KCNH7: variants seen among roughly 807,000 people sequenced by gnomAD.
The protein encoded by KCNH7 is voltage-gated inwardly rectifying potassium channel KCNH7.
A neutral mutation model predicts 120.8 loss-of-function variants in KCNH7; 49 were observed. That is an observed-to-expected ratio of 0.41 (90% CI 0.32 to 0.51). The LOEUF (loss-of-function observed/expected upper bound fraction) is 0.51, where lower values mean the gene tolerates loss of function less well. Among genes scored for constraint, KCNH7 ranks in the 20% least tolerant of loss-of-function variants. The pLI is 0.38. For synonymous variants in KCNH7, 547 were observed against 516.1 expected (o/e 1.06, Z -0.81); for missense variants, 1,097 against 1,446.6 (o/e 0.76, Z 3.92).
chr2:162,683,001 C>T (rs767756882), intron 2 of KCNH7, among the ~76,000 whole-genome samples: 86 of 151,692 alleles, frequency 5.7e-4, no homozygotes, highest in African/African-American at 1.3e-3. Context: ...TTTCTTCTTC[C>T]GAAGGGTATG....
At chr2:162,547,334 A>G (rs1371869532) in intron 2 of KCNH7, among the ~76,000 whole-genome samples, 1 of 152,146 alleles carries the variant, frequency 6.6e-6, no homozygotes, top group Non-Finnish European at 1.5e-5. Flanking sequence ...TGTGATAGGT[A>G]GAAATTAGGA....
At chr2:162,415,696 T>A (rs114729385) in intron 9 of KCNH7, among the ~76,000 whole-genome samples, 3,514 of 152,244 alleles carry the variant, frequency 0.023, 145 homozygotes, top group African/African-American at 0.074. Context: ...ACAATTTTTT[T>A]AAAAAAATTT....
chr2:162,531,934 T>G (rs144630826), intron 3 of KCNH7, among the ~76,000 whole-genome samples: 1 of 152,078 alleles, frequency 6.6e-6, no homozygotes, highest in East Asian at 2.0e-4. Context: ...TACGCATATT[T>G]TTCTATCTGA....
At position 162,384,744 on chromosome 2, in the gene KCNH7, T is replaced by G. The variant is rs1686525127; in HGVS notation, c.2906A>C (p.Glu969Ala). 2 of 1,612,712 alleles carry G rather than the reference T, an allele frequency of 1.2e-6. No individual in the cohort carries two copies. Among genetic ancestry groups the G allele is most frequent in the South Asian group, 2.2e-5 (2 of 91,060 alleles). ...CATTCTTCCTGAGGTGGGCACTGTT[T>G]CTTCAAAATCGAGCCCAGATGCTTT... Reference protein sequence around the residue: ...IGKASGLDFEETVPTSGRMHI... With the variant: ...IGKASGLDFEATVPTSGRMHI... Residue 969 changes from glutamate to alanine, a missense_variant, in exon 13 of 16, where the codon GAA becomes GCA. Glu to Ala is a moderately radical substitution (Grantham distance 107). Coordinates refer to ENST00000332142, the MANE Select transcript of KCNH7 (RefSeq NM_033272.4).
chr2:162,637,349 C>T (rs1385099742), intron 2 of KCNH7, among the ~76,000 whole-genome samples: 4 of 152,048 alleles, frequency 2.6e-5, no homozygotes, highest in African/African-American at 9.7e-5. Context: ...CAGACTATCC[C>T]CTGGATCATC....
chr2:162,420,821 A>G (rs1044333084), intron 9 of KCNH7, among the ~76,000 whole-genome samples: 4 of 152,172 alleles, frequency 2.6e-5, no homozygotes, highest in South Asian at 2.1e-4. Flanking sequence ...CAAGTTTAAT[A>G]TGCTTTTATG....
At position 162,447,540 on chromosome 2, in the gene KCNH7, T is replaced by C. The variant is rs149770538; in HGVS notation, c.1129-1097A>G. ...TAATGCTATGAATATCCCACACATA[T>C]ACAATGGCTCTATTTCAAAGTTAAT... On this transcript the variant is annotated intron_variant, in intron 6 of 15. Coordinates refer to ENST00000332142, the MANE Select transcript of KCNH7 (RefSeq NM_033272.4). 5.9e-5 allele frequency among the ~76,000 whole-genome samples: 9 copies of C among 152,204 alleles called. No homozygotes were observed. The East Asian group carries it at 7.7e-4, about 13-fold the overall frequency.
chr2:162,487,055 G>C (rs574624996), intron 6 of KCNH7, among the ~76,000 whole-genome samples: 6 of 152,134 alleles, frequency 3.9e-5, no homozygotes, highest in Non-Finnish European at 7.4e-5. Context: ...TTCTTTCTTA[G>C]AGAACTTTTA....
chr2:162,832,889 T>C (rs548353760), intron 2 of KCNH7, among the ~76,000 whole-genome samples: 166 of 152,262 alleles, frequency 1.1e-3, no homozygotes, highest in Non-Finnish European at 2.1e-3. Flanking sequence ...TACTGATATC[T>C]GACTGGATTA....
At chr2:162,700,622 A>G (rs569240733) in intron 2 of KCNH7, among the ~76,000 whole-genome samples, 1 of 152,166 alleles carries the variant, frequency 6.6e-6, no homozygotes, top group Admixed American at 6.6e-5. Context: ...AAAATCCATT[A>G]CTTCATGACT....
At chr2:162,739,510 G>C (rs1396739450) in intron 2 of KCNH7, among the ~76,000 whole-genome samples, 1 of 152,130 alleles carries the variant, frequency 6.6e-6, no homozygotes, top group Non-Finnish European at 1.5e-5. Context: ...ATCCACACCA[G>C]TGGGAACCAT....
At chr2:162,754,371 G>A (rs1297404768) in intron 2 of KCNH7, among the ~76,000 whole-genome samples, 1 of 152,098 alleles carries the variant, frequency 6.6e-6, no homozygotes, top group Non-Finnish European at 1.5e-5. Context: ...TATAACAAGG[G>A]ATAGGGAGGG....
chr2:162,679,238 T>C (rs188649706), intron 2 of KCNH7, among the ~76,000 whole-genome samples: 4 of 151,710 alleles, frequency 2.6e-5, no homozygotes, highest in Non-Finnish European at 4.4e-5. Context: ...CTTGTATAGT[T>C]AGAGCAGAAA....
chr2:162,834,717 C>T (rs1020997782), intron 2 of KCNH7, among the ~76,000 whole-genome samples: 5 of 152,060 alleles, frequency 3.3e-5, no homozygotes, highest in African/African-American at 9.7e-5. Flanking sequence ...GTTTTGAGAT[C>T]ATTTTACACA....
At chr2:162,415,277 C>T (rs1290892390) in intron 9 of KCNH7, among the ~76,000 whole-genome samples, 1 of 152,050 alleles carries the variant, frequency 6.6e-6, no homozygotes, top group African/African-American at 2.4e-5. Flanking sequence ...TAAATAAACT[C>T]TCTATATAAA....
rs538516954 is a variant in KCNH7 at position 162,727,485 on chromosome 2, G to A, written c.307+109052C>T. Among the ~76,000 whole-genome samples, 9 of 151,918 alleles carry A rather than the reference G, an allele frequency of 5.9e-5. No homozygotes were observed. The South Asian group carries it at 6.2e-4, about 11-fold the overall frequency. ...TTACATCTTTTTGTAGTTGATCTTC[G>A]TCACCCCACTCTACCCATAGTCCCA... On this transcript the variant is annotated intron_variant, in intron 2 of 15. Transcript: ENST00000332142.
At position 162,415,381 on chromosome 2, in the gene KCNH7, TATG is replaced by T. The variant is rs575461806; in HGVS notation, c.2154+7952_2154+7954del. ...ATTTAAAAACAAATTCTTATCAGGC[TATG>T]ATAAGTCTGTAAGAGAAAAAAATGT... On this transcript the variant is annotated intron_variant, in intron 9 of 15. Transcript: ENST00000332142. Among the ~76,000 whole-genome samples the T allele has an allele frequency of 3.1e-3, 475 of 152,270 alleles. 3 individuals are homozygous for T. Among genetic ancestry groups the T allele is most frequent in the Non-Finnish European group, 5.1e-3 (346 of 68,004 alleles).
intron 2 of KCNH7, among the ~76,000 whole-genome samples, chr2:162,685,504 G>C (rs145785823): frequency 0.015 from 2,242 of 152,108 alleles, 53 homozygotes; most frequent in African/African-American, 0.05. Flanking sequence ...AGGATGACTT[G>C]TTACACATGC....
At chr2:162,729,946 A>T (rs1687666859) in intron 2 of KCNH7, among the ~76,000 whole-genome samples, 2 of 152,086 alleles carry the variant, frequency 1.3e-5, no homozygotes. Flanking sequence ...AATCAAGTCT[A>T]TAAAATAAGT....
Sources: gnomAD v4.1 joint callset for allele counts (sites outside exome capture counted in the v4.1 genomes callset) on GRCh38, gnomAD v4.1.1 for gene constraint, MANE v1.5 for transcripts, NCBI Gene and HGNC (gene_info 2026-07-23, HGNC 2026-07-21) for gene names.